The following RARRES1 variants were observed in gnomAD, a reference collection of about 807,000 sequenced individuals.
RARRES1 encodes retinoic acid receptor responder protein 1.
Under a neutral mutation model 30.6 loss-of-function variants are expected in RARRES1, and 34 were observed. The observed-to-expected ratio is 1.11, with a 90% CI of 0.84 to 1.48. The LOEUF (loss-of-function observed/expected upper bound fraction) is 1.48, where lower values mean the gene tolerates loss of function less well. Ranked by LOEUF, RARRES1 falls within the 40% of genes most tolerant of loss-of-function variation. The probability of loss-of-function intolerance (pLI) is 0.00; values close to 1 mark genes in which losing one functional copy is unlikely to be tolerated. For missense variants in RARRES1, 373 were observed against 386.5 expected, an observed-to-expected ratio of 0.97 and a Z score of 0.29; for synonymous variants, 153 against 155.5, an observed-to-expected ratio of 0.98 and a Z score of 0.12.
intron 3 of RARRES1, among the ~76,000 whole-genome samples, chr3:158,706,324 G>C (rs899882929): frequency 2.6e-5 from 4 of 152,190 alleles, no homozygotes; most frequent in African/African-American, 9.7e-5. Flanking sequence ...CTTTGGGCTG[G>C]AGAGGGTTAG....
At chr3:158,728,172 A>T (rs1016660873) in intron 1 of RARRES1, among the ~76,000 whole-genome samples, 12 of 152,090 alleles carry the variant, frequency 7.9e-5, no homozygotes, top group African/African-American at 2.7e-4. Context: ...TTGCTTTCGC[A>T]ATACACTCTA....
At chr3:158,700,336 C>T (rs1726685657) in intron 4 of RARRES1, among the ~76,000 whole-genome samples, 1 of 151,876 alleles carries the variant, frequency 6.6e-6, no homozygotes, top group South Asian at 2.1e-4. Flanking sequence ...TGGCAGTCTC[C>T]ATTGAGGCAA....
intron 1 of RARRES1, among the ~76,000 whole-genome samples, chr3:158,731,111 T>C (rs1727870926): frequency 6.6e-6 from 1 of 152,234 alleles, no homozygotes; most frequent in African/African-American, 2.4e-5. Context: ...AACAATTTGA[T>C]TTAATCATTC....
chr3:158,714,428 A>G (rs1727250894), intron 1 of RARRES1, among the ~76,000 whole-genome samples: 1 of 152,196 alleles, frequency 6.6e-6, no homozygotes, highest in Non-Finnish European at 1.5e-5. Context: ...GCCATCCCAG[A>G]TCTAGGTGGG....
At chr3:158,721,551 T>C (rs189127492) in intron 1 of RARRES1, among the ~76,000 whole-genome samples, 116 of 152,304 alleles carry the variant, frequency 7.6e-4, no homozygotes, top group Admixed American at 2.1e-3. Context: ...TGACAATCAC[T>C]AGGATACAGC....
At chr3:158,731,805 T>C (rs1299630450) in intron 1 of RARRES1, among the ~76,000 whole-genome samples, 2 of 152,244 alleles carry the variant, frequency 1.3e-5, no homozygotes, top group African/African-American at 2.4e-5. Flanking sequence ...AATTAAATGT[T>C]GCCCTTTCAG....
intron 3 of RARRES1, among the ~76,000 whole-genome samples, chr3:158,705,214 T>A (rs1042980560): frequency 6.6e-6 from 1 of 152,140 alleles, no homozygotes; most frequent in Non-Finnish European, 1.5e-5. Context: ...CAAGCCTATG[T>A]CCACAAAGTA....
At chr3:158,724,935 C>T (rs1482552595) in intron 1 of RARRES1, among the ~76,000 whole-genome samples, 1 of 152,056 alleles carries the variant, frequency 6.6e-6, no homozygotes, top group African/African-American at 2.4e-5. Context: ...TCAGGTGATC[C>T]TCCCACCTCA....
chr3:158,711,288 A>G (rs1388669967), intron 2 of RARRES1, among the ~76,000 whole-genome samples: 1 of 152,182 alleles, frequency 6.6e-6, no homozygotes, highest in Non-Finnish European at 1.5e-5. Flanking sequence ...CAAAGTTACT[A>G]ACTTGAACTA....
chr3:158,699,411 A>G (rs1393086870), intron 4 of RARRES1, among the ~76,000 whole-genome samples: 5 of 150,074 alleles, frequency 3.3e-5, no homozygotes, highest in African/African-American at 1.2e-4. Context: ...TCTATTAAGA[A>G]TACTAAAGAA....
At chr3:158,728,516 CTTTT>C (rs755791546) in intron 1 of RARRES1, among the ~76,000 whole-genome samples, 19,833 of 133,892 alleles carry the variant, frequency 0.15, 1,516 homozygotes, top group Middle Eastern at 0.2. Flanking sequence ...CTTTTTCTTT[CTTTT>C]TTTTTTTTTT....
At chr3:158,728,010 G>C (rs1052882589) in intron 1 of RARRES1, among the ~76,000 whole-genome samples, 3 of 152,152 alleles carry the variant, frequency 2.0e-5, no homozygotes, top group Non-Finnish European at 4.4e-5. Context: ...CAGAATCAAA[G>C]AATTTCAGCG....
In RARRES1 at chr3:158,722,086, C is replaced by CAAAAAAAAA. The variant is rs571829700; in HGVS notation, c.277-8236_277-8228dup. On this transcript the variant is annotated intron_variant, in intron 1 of 5. Coordinates refer to ENST00000237696, the MANE Select transcript of RARRES1 (RefSeq NM_206963.2). ...CAGCCTGGGCAACAAGAATGAAACT[C>CAAAAAAAAA]AAAAAAAAAAAAAAAAAAAAGAGTA... 3.1e-3 allele frequency among the ~76,000 whole-genome samples: 213 copies of CAAAAAAAAA among 68,646 alleles called. 1 individual carries two copies. The highest frequency in any genetic ancestry group is 9.4e-3 in the Middle Eastern group (1 of 106). 45.0% of individuals were successfully genotyped at this position (68,646 alleles called of 152,430 possible). A position where few individuals can be genotyped will look rare whatever the true frequency, so the allele number is the denominator to read the frequency against.
At chr3:158,706,942 G>A (rs1399180417) in intron 3 of RARRES1, among the ~76,000 whole-genome samples, 2 of 152,160 alleles carry the variant, frequency 1.3e-5, no homozygotes, top group African/African-American at 4.8e-5. Context: ...GCCAAGGGGG[G>A]TGGATCACCG....
At chr3:158,713,546 A>T (rs1333487003) in intron 2 of RARRES1, among the ~76,000 whole-genome samples, 1 of 152,146 alleles carries the variant, frequency 6.6e-6, no homozygotes, top group East Asian at 1.9e-4. Flanking sequence ...AGGGGTCCCA[A>T]GGAAGAGGGA....
Position 158,732,216 on chromosome 3 carries a change from A to T in RARRES1, c.200T>A (p.Leu67His). The change falls in exon 1 of 6, where the codon CTT becomes CAT. Residue 67 changes from leucine (L) to histidine (H), a missense_variant. Transcript: ENST00000237696. Reference sequence around the variant, plus strand: ...GCCGGACCGGAAGTTGAAGAAGTGAAGCGCCGCGCGCGCCGCCTGCTGCAG... The same window carrying T: ...GCCGGACCGGAAGTTGAAGAAGTGATGCGCCGCGCGCGCCGCCTGCTGCAG... Reference protein sequence around the residue: ...RLLQQAARAALHFFNFRSGSP... With the variant: ...RLLQQAARAAHHFFNFRSGSP... 1 of 1,411,812 alleles carries T rather than the reference A, an allele frequency of 7.1e-7. No homozygotes were observed. The highest frequency in any genetic ancestry group is 9.2e-7 in the Non-Finnish European group (1 of 1,089,192). The allele number at this position is 1,411,812 out of a possible 1,614,324, so 87.5% of individuals were successfully genotyped here.
intron 1 of RARRES1, among the ~76,000 whole-genome samples, 196 bp downstream of exon 1, chr3:158,731,944 C>G (rs1293035977): frequency 1.3e-5 from 2 of 152,234 alleles, no homozygotes; most frequent in Admixed American, 6.5e-5. Context: ...ACGCTGTGCA[C>G]CGAAGGGGCC....
chr3:158,711,030 G>GGCAA (rs1252172395), intron 2 of RARRES1, 97 bp from the exon 3 acceptor site: 2 of 1,176,502 alleles, frequency 1.7e-6, no homozygotes, highest in East Asian at 4.7e-5. Context: ...AAGGCAGGCA[G>GGCAA]GCTCTGGCAT....
chr3:158,731,138 C>G (rs566672796), intron 1 of RARRES1, among the ~76,000 whole-genome samples: 1 of 152,150 alleles, frequency 6.6e-6, no homozygotes, highest in African/African-American at 2.4e-5. Context: ...TACAGCCGTG[C>G]CGGGTACAGG....
Sources: gnomAD v4.1 joint callset for allele counts (sites outside exome capture counted in the v4.1 genomes callset) on GRCh38, gnomAD v4.1.1 for gene constraint, MANE v1.5 for transcripts, NCBI Gene and HGNC (gene_info 2026-07-23, HGNC 2026-07-21) for gene names.